Variants in KIAA0232 observed in about 807,000 individuals in gnomAD.
The protein encoded by KIAA0232 is uncharacterized protein KIAA0232.
KIAA0232 carries 27 observed loss-of-function variants against 122.0 expected under a neutral mutation model. The observed-to-expected ratio is 0.22, with a 90% CI of 0.16 to 0.31. The LOEUF (loss-of-function observed/expected upper bound fraction) is 0.31. Ranked by LOEUF, KIAA0232 falls within the 10% of genes least tolerant of loss-of-function variation. The pLI, the probability that KIAA0232 is intolerant of heterozygous loss-of-function variation, is 1.00. For missense variants in KIAA0232, 1,551 were observed against 1,634.2 expected (o/e 0.95, Z 0.88); for synonymous variants, 613 against 587.6 (o/e 1.04, Z -0.63).
chr4:6,863,137 G>A lies in KIAA0232; in HGVS notation c.2755G>A (p.Asp919Asn), dbSNP rs369997653. Reference sequence around the variant, plus strand: ...TTATACAACACCCTCTAAACCCTGGGATGTAGCCCAAGATAAAGAAAACAC... The same window carrying A: ...TTATACAACACCCTCTAAACCCTGGAATGTAGCCCAAGATAAAGAAAACAC... The part of the protein sequence containing the change: ...GDYTTPSKPW[D>N]VAQDKENTFI... The change falls in exon 7 of 10, where the codon GAT (aspartate) becomes AAT (asparagine). Residue 919 changes from aspartate (D) to asparagine (N), a missense_variant. Coordinates refer to ENST00000307659, the MANE Select transcript of KIAA0232 (RefSeq NM_014743.3). 6.8e-6 allele frequency: 11 copies of A among 1,614,216 alleles called. No homozygotes were observed. The highest frequency in any genetic ancestry group is 9.3e-6 in the Non-Finnish European group (11 of 1,180,040).
Position 6,876,765 on chromosome 4 carries a change from GA to G in KIAA0232, c.4008+9del. ...CTGTTAGATTTTAATAGGGTAAGTGGACTGTCCTCCTCCTCGTCATTAACTT... is the reference window on the plus strand; with the variant it reads ...CTGTTAGATTTTAATAGGGTAAGTGGCTGTCCTCCTCCTCGTCATTAACTT... On this transcript the variant is annotated intron_variant, in intron 9 of 9. Transcript: ENST00000307659. 1 of 1,568,436 alleles carries G rather than the reference GA, an allele frequency of 6.4e-7. No individual in the cohort carries two copies. Among genetic ancestry groups the G allele is most frequent in the Non-Finnish European group, 8.8e-7 (1 of 1,138,612 alleles).
intron 4 of KIAA0232, among the ~76,000 whole-genome samples, chr4:6,847,717 A>C (rs1720040950): frequency 6.6e-6 from 1 of 152,216 alleles, no homozygotes; most frequent in Non-Finnish European, 1.5e-5. Flanking sequence ...ATTGTGAATC[A>C]GCCATAGGCA....
intron 4 of KIAA0232, among the ~76,000 whole-genome samples, chr4:6,845,615 G>A (rs1719913161): frequency 6.6e-6 from 1 of 151,804 alleles, no homozygotes; most frequent in African/African-American, 2.4e-5. Flanking sequence ...CAAGCGAGAA[G>A]TTAATTCAGG....
rs534532232 is a variant in KIAA0232 at position 6,813,672 on chromosome 4, T to C, written c.-270+9066T>C. Among the ~76,000 whole-genome samples the C allele has an allele frequency of 3.9e-5, 6 of 152,272 alleles. No individual in the cohort carries two copies. The East Asian group carries it at 1.2e-3, about 29-fold the overall frequency. ...CCACCGCGCCTGGCCAGGTCTGTTG[T>C]TTTTTTCTCCCCCTTAATGGACAAA... is the stretch of plus-strand genomic sequence containing the variant. On this transcript the variant is annotated intron_variant, in intron 2 of 9. Transcript: ENST00000307659.
intron 1 of KIAA0232, among the ~76,000 whole-genome samples, chr4:6,799,537 C>T (rs1049150255): frequency 6.6e-6 from 1 of 151,844 alleles, no homozygotes; most frequent in African/African-American, 2.4e-5. Flanking sequence ...ACATAAAATT[C>T]ACGTCTACTA....
intron 2 of KIAA0232, among the ~76,000 whole-genome samples, chr4:6,818,617 T>G (rs1718258090): frequency 1.3e-5 from 2 of 151,812 alleles, no homozygotes; most frequent in Admixed American, 1.3e-4. Context: ...ACTGGAAGAA[T>G]TGATATCATT....
At position 6,858,525 on chromosome 4, in the gene KIAA0232, G is replaced by A. The variant is rs768069549; in HGVS notation, c.518+19G>A. The A allele has an allele frequency of 4.6e-6, 7 of 1,510,124 alleles. No individual in the cohort carries two copies. Among genetic ancestry groups the A allele is most frequent in the South Asian group, 1.2e-5 (1 of 83,808 alleles). The allele number at this position is 1,510,124 out of a possible 1,614,324, so 93.5% of individuals were successfully genotyped here. A position where few individuals can be genotyped will look rare whatever the true frequency, so the allele number is the denominator to read the frequency against. ...TGGAAATGTATGTAAGATTGTATTC[G>A]GTAATAAAGTGTGCATTTGTTAAAA... On this transcript the variant is annotated intron_variant, in intron 6 of 9. Coordinates refer to ENST00000307659, the MANE Select transcript of KIAA0232 (RefSeq NM_014743.3).
At chr4:6,818,524 C>T (rs150595098) in intron 2 of KIAA0232, among the ~76,000 whole-genome samples, 18 of 151,538 alleles carry the variant, frequency 1.2e-4, no homozygotes, top group Middle Eastern at 3.4e-3. Context: ...GTACATCTCA[C>T]GAAGGAGGTG....
At position 6,861,229 on chromosome 4, in the gene KIAA0232, A is replaced by T. The variant is rs1720837498; in HGVS notation, c.847A>T (p.Ile283Phe). 6.2e-7 allele frequency: 1 copy of T among 1,614,014 alleles called. No homozygotes were observed. Among genetic ancestry groups the T allele is most frequent in the African/African-American group, 1.3e-5 (1 of 74,930 alleles). Residue 283 changes from isoleucine to phenylalanine, a missense_variant, in exon 7 of 10, where the codon ATT becomes TTT. Physicochemically the swap from Ile to Phe is conservative, Grantham distance 21. This residue lies in a region of KIAA0232 where 377 missense variants were observed against 381.7 expected (regional missense o/e 0.99). Coordinates refer to ENST00000307659, the MANE Select transcript of KIAA0232 (RefSeq NM_014743.3). ...KQIRHKPEGK[I>F]RPRSWSSGSS... ...AATCCGACATAAACCTGAAGGAAAG[A>T]TTCGCCCTCGCTCGTGGTCTTCTGG...
intron 3 of KIAA0232, among the ~76,000 whole-genome samples, chr4:6,838,816 A>G (rs1279683613): frequency 7.2e-6 from 1 of 138,274 alleles, no homozygotes; most frequent in Non-Finnish European, 1.5e-5. Flanking sequence ...TTGGTAGTTT[A>G]TGAATTGATA....
intron 1 of KIAA0232, among the ~76,000 whole-genome samples, chr4:6,792,149 A>G (rs182122518): frequency 1.2e-3 from 182 of 152,324 alleles, no homozygotes; most frequent in African/African-American, 3.9e-3. Context: ...GTATGTCTTT[A>G]TCAGCATTGC....
chr4:6,815,379 C>T (rs1273039656), intron 2 of KIAA0232, among the ~76,000 whole-genome samples: 2 of 152,192 alleles, frequency 1.3e-5, no homozygotes, highest in African/African-American at 4.8e-5. Context: ...CCTTTCAGTT[C>T]ACAACTAGAA....
chr4:6,837,012 G>C (rs185231225), intron 3 of KIAA0232, among the ~76,000 whole-genome samples: 98 of 152,132 alleles, frequency 6.4e-4, no homozygotes, highest in Middle Eastern at 6.8e-3. Context: ...CTTTCTATTC[G>C]ACAAAACCGC....
intron 2 of KIAA0232, among the ~76,000 whole-genome samples, chr4:6,817,562 C>G (rs1032137533): frequency 1.3e-5 from 2 of 152,162 alleles, no homozygotes; most frequent in African/African-American, 4.8e-5. Context: ...TGTTTGGAAG[C>G]TTTTCCAGAC....
intron 2 of KIAA0232, among the ~76,000 whole-genome samples, chr4:6,807,032 GTCTATCTATCTA>G (rs71173468): frequency 0.022 from 3,241 of 145,850 alleles, 47 homozygotes; most frequent in South Asian, 0.052. Flanking sequence ...CTGTCTGTCT[GTCTATCTATCTA>G]TCTATCTATC....
intron 4 of KIAA0232, among the ~76,000 whole-genome samples, chr4:6,848,927 C>T (rs1720121126): frequency 6.6e-6 from 1 of 152,216 alleles, no homozygotes; most frequent in South Asian, 2.1e-4. Context: ...CTGAGGAAGC[C>T]TAAGTCCTAT....
intron 4 of KIAA0232, among the ~76,000 whole-genome samples, chr4:6,853,373 C>T (rs774144281): frequency 1.3e-5 from 2 of 152,030 alleles, no homozygotes; most frequent in Non-Finnish European, 1.5e-5. Flanking sequence ...ATTAGGGGAC[C>T]AGTACAGGAA....
At chr4:6,793,132 G>A (rs1393939022) in intron 1 of KIAA0232, among the ~76,000 whole-genome samples, 1 of 152,068 alleles carries the variant, frequency 6.6e-6, no homozygotes, top group Non-Finnish European at 1.5e-5. Context: ...CCCTGTGAGT[G>A]ACTACCATTA....
chr4:6,799,588 A>G (rs986612976), intron 1 of KIAA0232, among the ~76,000 whole-genome samples: 1 of 152,208 alleles, frequency 6.6e-6, no homozygotes, highest in Non-Finnish European at 1.5e-5. Flanking sequence ...CGTGGATGGC[A>G]TAGCCTAAGA....
Sources: gnomAD v4.1 joint callset for allele counts (sites outside exome capture counted in the v4.1 genomes callset) on GRCh38, gnomAD v4.1.1 for gene constraint, gnomAD v4.1.1 regional missense constraint, MANE v1.5 for transcripts, NCBI Gene and HGNC (gene_info 2026-07-23, HGNC 2026-07-21) for gene names.